The following ADAMTS9 variants were observed in gnomAD, a reference collection of about 807,000 sequenced individuals.
ADAMTS9 encodes A disintegrin and metalloproteinase with thrombospondin motifs 9.
Under a neutral mutation model 257.1 loss-of-function variants are expected in ADAMTS9, and 107 were observed. The observed-to-expected ratio is 0.42, with a 90% CI of 0.36 to 0.49. The LOEUF (loss-of-function observed/expected upper bound fraction) is 0.49. Ranked by LOEUF, ADAMTS9 falls within the 20% of genes least tolerant of loss-of-function variation. The pLI, the probability that ADAMTS9 is intolerant of heterozygous loss-of-function variation, is 0.03. For synonymous variants in ADAMTS9, 982 were observed against 880.9 expected, an observed-to-expected ratio of 1.11 and a Z score of -2.03; for missense variants, 2,353 against 2,469.1, an observed-to-expected ratio of 0.95 and a Z score of 1.00.
At chr3:64,542,571 G>A (rs1192962976) in intron 32 of ADAMTS9, among the ~76,000 whole-genome samples, 1 of 151,898 alleles carries the variant, frequency 6.6e-6, no homozygotes, top group East Asian at 1.9e-4. Flanking sequence ...GGGACTACAG[G>A]CACGCACCAC....
chr3:64,546,352 C>T (rs28379730), intron 32 of ADAMTS9, among the ~76,000 whole-genome samples: 24,978 of 151,848 alleles, frequency 0.16, 2,462 homozygotes, highest in East Asian at 0.3. Flanking sequence ...GGTGTCATAT[C>T]GACACTAAAA....
At chr3:64,540,131 G>A (rs939495507) in intron 36 of ADAMTS9, among the ~76,000 whole-genome samples, 3 of 152,228 alleles carry the variant, frequency 2.0e-5, no homozygotes, top group Non-Finnish European at 4.4e-5. Context: ...GACCTTGCCT[G>A]CTTCAGCATG....
chr3:64,632,046 T>G (rs182238392), intron 14 of ADAMTS9, 121 bp from the exon 15 acceptor site: 2 of 752,864 alleles, frequency 2.7e-6, no homozygotes, highest in East Asian at 2.7e-5. Context: ...CCTTTAAAAC[T>G]TGGAAAGGTT....
intron 28 of ADAMTS9, among the ~76,000 whole-genome samples, chr3:64,578,198 C>T (rs1004924004): frequency 1.3e-5 from 2 of 151,824 alleles, no homozygotes; most frequent in Non-Finnish European, 2.9e-5. Flanking sequence ...ATTGCTCTAT[C>T]GGGAGGTTGG....
intron 19 of ADAMTS9, 44 bp downstream of exon 19, chr3:64,621,070 T>C: frequency 6.4e-7 from 1 of 1,567,990 alleles, no homozygotes; most frequent in Non-Finnish European, 8.6e-7. Flanking sequence ...CCTGCAAGAC[T>C]CTCACAATTC....
Position 64,658,668 on chromosome 3 carries a change from G to A in ADAMTS9, c.803C>T (p.Ala268Val), listed in dbSNP as rs371033957. 34 of 1,613,798 alleles carry A rather than the reference G, an allele frequency of 2.1e-5. No homozygotes were observed. Among genetic ancestry groups the A allele is most frequent in the African/African-American group, 1.6e-4 (12 of 74,810 alleles). ...NSGLATEAFS[A>V]YGNKTDNTRE... ...TGTGTTGTCCGTCTTATTACCATAA[G>A]CAGAAAATGCCTCTGTTGCTAAGCC... is the stretch of plus-strand genomic sequence containing the variant. The change falls in exon 4 of 40, where the codon GCT becomes GTT. Residue 268 changes from alanine to valine, a missense_variant. Transcript: ENST00000498707.
chr3:64,676,242 A>G (rs545170000), intron 3 of ADAMTS9, among the ~76,000 whole-genome samples: 34 of 152,224 alleles, frequency 2.2e-4, no homozygotes, highest in Non-Finnish European at 4.1e-4. Flanking sequence ...TAAGATCCTA[A>G]GAGACCAAAA....
In ADAMTS9 at chr3:64,598,380, C is replaced by T. The variant is rs186855273; in HGVS notation, c.4018-1389G>A. Among the ~76,000 whole-genome samples the T allele has an allele frequency of 1.3e-4, 20 of 148,570 alleles. No homozygotes were observed. In the East Asian group the frequency reaches 1.6e-3, roughly 12 times the overall value. ...TCACCCAGGCTAGAACACAGTGGTG[C>T]GATCACAGGTTACTACGGCCTCAAC... On this transcript the variant is annotated intron_variant, in intron 26 of 39. Coordinates refer to ENST00000498707, the MANE Select transcript of ADAMTS9 (RefSeq NM_182920.2).
chr3:64,571,351 T>C (rs1472422310), intron 28 of ADAMTS9, among the ~76,000 whole-genome samples: 2 of 152,230 alleles, frequency 1.3e-5, no homozygotes, highest in African/African-American at 4.8e-5. Flanking sequence ...CTTTATATAG[T>C]GCTTCCCACA....
chr3:64,567,677 A>C (rs2083576480), intron 29 of ADAMTS9, among the ~76,000 whole-genome samples: 1 of 152,086 alleles, frequency 6.6e-6, no homozygotes, highest in African/African-American at 2.4e-5. Flanking sequence ...GTCTAACTGT[A>C]ATCAGTGTCT....
chr3:64,561,574 T>C lies in ADAMTS9; in HGVS notation c.4698+4A>G. 6.2e-7 allele frequency: 1 copy of C among 1,612,136 alleles called. No homozygotes were observed. Reference sequence around the variant, plus strand: ...GGCAGGTACCCCTTTGTGGCTCTACTTACTTCTTGCCATTCCTCTGCCCTC... The same window carrying C: ...GGCAGGTACCCCTTTGTGGCTCTACCTACTTCTTGCCATTCCTCTGCCCTC... On this transcript the variant is annotated splice_donor_region_variant and intron_variant, in intron 30 of 39. Transcript: ENST00000498707.
intron 19 of ADAMTS9, among the ~76,000 whole-genome samples, chr3:64,619,002 A>G (rs1359168738): frequency 2.6e-5 from 4 of 152,202 alleles, no homozygotes; most frequent in Non-Finnish European, 4.4e-5. Context: ...GCTCAAAGTG[A>G]AAAATAGTTT....
chr3:64,575,237 C>T (rs1353313083), intron 28 of ADAMTS9, among the ~76,000 whole-genome samples: 1 of 152,184 alleles, frequency 6.6e-6, no homozygotes, highest in Non-Finnish European at 1.5e-5. Flanking sequence ...CTTGAATGCT[C>T]AATCTGCAGG....
At chr3:64,525,491 T>C (rs1453728835) in intron 38 of ADAMTS9, among the ~76,000 whole-genome samples, 1 of 152,188 alleles carries the variant, frequency 6.6e-6, no homozygotes, top group Non-Finnish European at 1.5e-5. Flanking sequence ...TCAAAAGTCA[T>C]GAAGATTTGC....
At chr3:64,579,085 G>A (rs1013625996) in intron 28 of ADAMTS9, among the ~76,000 whole-genome samples, 16 of 152,018 alleles carry the variant, frequency 1.1e-4, no homozygotes, top group South Asian at 2.1e-4. Flanking sequence ...CAAAAACTCC[G>A]TCCAATAGGC....
intron 28 of ADAMTS9, chr3:64,589,954 T>C (rs2106778637): frequency 6.6e-6 from 1 of 152,330 alleles, no homozygotes; most frequent in African/African-American, 2.4e-5. Context: ...ATCAAATTTG[T>C]GCACATTAGG....
intron 19 of ADAMTS9, among the ~76,000 whole-genome samples, chr3:64,619,681 A>AG (rs1700057848): frequency 6.6e-6 from 1 of 152,138 alleles, no homozygotes; most frequent in South Asian, 2.1e-4. Context: ...TATAACTGTT[A>AG]GAAAAAATAG....
chr3:64,561,378 C>T (rs2083419279), intron 30 of ADAMTS9, 200 bp downstream of exon 30: 1 of 412,360 alleles, frequency 2.4e-6, no homozygotes, highest in Non-Finnish European at 4.2e-6. Context: ...TACAGACAGA[C>T]GTAGGAATTG....
intron 16 of ADAMTS9, among the ~76,000 whole-genome samples, chr3:64,629,793 G>A (rs1374027302): frequency 6.6e-6 from 1 of 152,192 alleles, no homozygotes; most frequent in Non-Finnish European, 1.5e-5. Flanking sequence ...ATAAGTGAGT[G>A]AGTGACTGAA....
Sources: gnomAD v4.1 joint callset for allele counts (sites outside exome capture counted in the v4.1 genomes callset) on GRCh38, gnomAD v4.1.1 for gene constraint, MANE v1.5 for transcripts, NCBI Gene and HGNC (gene_info 2026-07-23, HGNC 2026-07-21) for gene names.